Variants in TPRG1 observed in about 807,000 individuals in gnomAD.
The protein encoded by TPRG1 is tumor protein p63-regulated gene 1 protein.
TPRG1 carries 29 observed loss-of-function variants against 29.3 expected under a neutral mutation model. The ratio of observed to expected loss-of-function variants is 0.99; its 90% CI spans 0.74 to 1.35. TPRG1 has a LOEUF of 1.35. TPRG1 is among the 40% of genes most tolerant of loss of function. TPRG1 has a pLI of 0.00. For missense variants in TPRG1, 327 were observed against 335.0 expected, an observed-to-expected ratio of 0.98 and a Z score of 0.19; for synonymous variants, 130 against 116.8, an observed-to-expected ratio of 1.11 and a Z score of -0.73.
intron 2 of TPRG1, among the ~76,000 whole-genome samples, chr3:189,209,237 A>G (rs1734882149): frequency 6.6e-6 from 1 of 152,212 alleles, no homozygotes; most frequent in African/African-American, 2.4e-5. Flanking sequence ...CCTTGCCGTT[A>G]AGTAAACCAG....
chr3:189,032,775 G>A (rs1714009527), intron 4 of TPRG1, among the ~76,000 whole-genome samples: 1 of 120,878 alleles, frequency 8.3e-6, no homozygotes, highest in South Asian at 2.7e-4. Flanking sequence ...AGTCCCCAGA[G>A]TGTGATGTTG....
chr3:189,082,074 T>C (rs1296752649), intron 4 of TPRG1, among the ~76,000 whole-genome samples: 1 of 152,162 alleles, frequency 6.6e-6, no homozygotes, highest in Non-Finnish European at 1.5e-5. Flanking sequence ...GAACAAGATA[T>C]ATCTGAGGTC....
intron 2 of TPRG1, among the ~76,000 whole-genome samples, chr3:189,211,170 C>T (rs1414643231): frequency 2.0e-5 from 3 of 152,070 alleles, no homozygotes; most frequent in Non-Finnish European, 4.4e-5. Context: ...ATTTCAATAA[C>T]ATACTTCCAT....
intron 4 of TPRG1, among the ~76,000 whole-genome samples, chr3:189,251,031 C>T (rs1339511983): frequency 6.6e-6 from 1 of 151,940 alleles, no homozygotes; most frequent in African/African-American, 2.4e-5. Flanking sequence ...CTTTTATCCT[C>T]CTCCCTCTCC....
rs1237114655 is a variant in TPRG1, at chr3:189,229,949, T to C, written c.303-8784T>C. Among the ~76,000 whole-genome samples the C allele has an allele frequency of 3.9e-5, 6 of 152,354 alleles. No homozygotes were observed. In the East Asian group the frequency reaches 9.6e-4, roughly 25 times the overall value. On this transcript the variant is annotated intron_variant, in intron 3 of 5. Transcript: ENST00000345063. ...GGAGGTGGCAAGATGTGTACATTTG[T>C]GCTATCTTGTCCGTCTGTTCTTCCC... is the stretch of plus-strand genomic sequence containing the variant.
intron 4 of TPRG1, among the ~76,000 whole-genome samples, chr3:189,080,489 G>A (rs956171710): frequency 7.2e-5 from 11 of 152,104 alleles, no homozygotes; most frequent in Non-Finnish European, 1.3e-4. Context: ...TGCTTTCCTG[G>A]AGCCAAACCT....
intron 3 of TPRG1, among the ~76,000 whole-genome samples, chr3:189,142,075 T>G (rs1170843225): frequency 1.3e-5 from 2 of 152,198 alleles, no homozygotes; most frequent in African/African-American, 4.8e-5. Flanking sequence ...TGGTCAGGAA[T>G]GTCTTTGCTG....
At chr3:189,137,310 G>A (rs980741505) in intron 3 of TPRG1, among the ~76,000 whole-genome samples, 1 of 148,368 alleles carries the variant, frequency 6.7e-6, no homozygotes, top group African/African-American at 2.5e-5. Flanking sequence ...GTGTGTGTGT[G>A]TGTGTGTGTG....
chr3:189,238,981 T>A, intron 4 of TPRG1, 72 bp downstream of exon 4: 1 of 1,423,280 alleles, frequency 7.0e-7, no homozygotes, highest in Non-Finnish European at 9.4e-7. Flanking sequence ...AGCCGAAAAT[T>A]CAGTTTGGCC....
At chr3:189,088,027 C>T (rs994455654) in intron 4 of TPRG1, among the ~76,000 whole-genome samples, 5 of 151,914 alleles carry the variant, frequency 3.3e-5, no homozygotes, top group African/African-American at 1.2e-4. Context: ...AAGTTTTTTC[C>T]AATTCTATGA....
intron 4 of TPRG1, among the ~76,000 whole-genome samples, chr3:189,243,382 G>T (rs1257482661): frequency 6.6e-6 from 1 of 152,166 alleles, no homozygotes; most frequent in Non-Finnish European, 1.5e-5. Context: ...AACACTGGGG[G>T]TTTAGTCCTC....
chr3:189,140,331 C>G (rs1172557707), intron 3 of TPRG1, among the ~76,000 whole-genome samples: 3 of 152,142 alleles, frequency 2.0e-5, no homozygotes, highest in African/African-American at 7.2e-5. Flanking sequence ...AGCTTGGTGA[C>G]TTTGGGCACA....
chr3:189,108,845 A>T (rs1720137046), intron 1 of TPRG1, among the ~76,000 whole-genome samples: 1 of 152,094 alleles, frequency 6.6e-6, no homozygotes, highest in African/African-American at 2.4e-5. Flanking sequence ...GGTGAGGTGG[A>T]GCTGCATTTG....
At chr3:189,101,860 G>T (rs1212157661) in intron 1 of TPRG1, among the ~76,000 whole-genome samples, 1 of 151,824 alleles carries the variant, frequency 6.6e-6, no homozygotes, top group African/African-American at 2.4e-5. Context: ...TCAGTACTTG[G>T]TGTGCTGCAT....
chr3:189,074,379 G>A (rs1409219795), intron 4 of TPRG1, among the ~76,000 whole-genome samples: 1 of 151,526 alleles, frequency 6.6e-6, no homozygotes, highest in Non-Finnish European at 1.5e-5. Context: ...CTAATTTTTT[G>A]TATTTTTAGT....
chr3:189,108,000 T>G (rs1353289940), intron 1 of TPRG1, among the ~76,000 whole-genome samples: 1 of 152,182 alleles, frequency 6.6e-6, no homozygotes, highest in African/African-American at 2.4e-5. Context: ...GAATTCCCTG[T>G]GCATATGCCA....
intron 4 of TPRG1, among the ~76,000 whole-genome samples, chr3:189,309,239 G>A (rs542716378): frequency 6.6e-6 from 1 of 152,088 alleles, no homozygotes; most frequent in South Asian, 2.1e-4. Context: ...ACCAGTTGGG[G>A]AGCGGAGTGT....
intron 2 of TPRG1, among the ~76,000 whole-genome samples, chr3:189,209,698 C>A (rs551307971): frequency 6.6e-6 from 1 of 152,274 alleles, no homozygotes; most frequent in East Asian, 1.9e-4. Context: ...TCTCCAAGTC[C>A]AATACTTTCC....
chr3:189,028,151 T>C (rs1277764748), intron 4 of TPRG1, among the ~76,000 whole-genome samples: 1 of 152,158 alleles, frequency 6.6e-6, no homozygotes, highest in Non-Finnish European at 1.5e-5. Flanking sequence ...AGAAGGAGCC[T>C]TTGGTTATAT....
Sources: gnomAD v4.1 joint callset for allele counts (sites outside exome capture counted in the v4.1 genomes callset) on GRCh38, gnomAD v4.1.1 for gene constraint, MANE v1.5 for transcripts, NCBI Gene and HGNC (gene_info 2026-07-23, HGNC 2026-07-21) for gene names.